The following CELF2 variants were observed in gnomAD, a reference collection of about 807,000 sequenced individuals.
The protein encoded by CELF2 is CUG triplet repeat RNA-binding protein 2.
In CELF2, 8 loss-of-function variants were observed where a neutral mutation model predicts 62.6. That is an observed-to-expected ratio of 0.13 (90% CI 0.07 to 0.23). The LOEUF is 0.23. CELF2 is among the 10% of genes least tolerant of loss of function. CELF2 has a pLI of 1.00. For synonymous variants in CELF2, 258 were observed against 250.0 expected, an observed-to-expected ratio of 1.03 and a Z score of -0.30; for missense variants, 333 against 671.0, an observed-to-expected ratio of 0.50 and a Z score of 5.56.
rs549163637 is a variant in CELF2, at chr10:11,145,417, G to A, written c.75-20069G>A. On this transcript the variant is annotated intron_variant, in intron 1 of 12. Transcript: ENST00000633077. The surrounding 1 kb of genome is among the most constrained non-coding windows in gnomAD (Gnocchi z 4.3). ...AGCAAATAATAGCAGGTTGTATGCA[G>A]GACTCCCACGTTTGAAAACATGACT... 1.3e-5 allele frequency among the ~76,000 whole-genome samples: 2 copies of A among 152,326 alleles called. No individual in the cohort carries two copies. Among genetic ancestry groups the A allele is most frequent in the South Asian group, 2.1e-4 (1 of 4,828 alleles).
chr10:10,834,201 A>G (rs2058092645), intron 1 of CELF2, among the ~76,000 whole-genome samples: 2 of 152,208 alleles, frequency 1.3e-5, no homozygotes, highest in South Asian at 4.1e-4. Context: ...TAGCGAAGTA[A>G]CTCAGGAACA....
At chr10:10,805,671 G>C (rs2055148649) in intron 1 of CELF2, among the ~76,000 whole-genome samples, 1 of 152,148 alleles carries the variant, frequency 6.6e-6, no homozygotes, top group South Asian at 2.1e-4. Flanking sequence ...TTTTTGTTGA[G>C]TTTGTAAGTT....
chr10:11,138,900 G>A (rs757874499), intron 1 of CELF2, among the ~76,000 whole-genome samples: 8 of 152,200 alleles, frequency 5.3e-5, no homozygotes, highest in Non-Finnish European at 1.0e-4. Context: ...ACTTGAGCCT[G>A]GAACATACTG....
chr10:11,305,515 C>G lies in CELF2; in HGVS notation c.977-8624C>G, dbSNP rs184223154. On this transcript the variant is annotated intron_variant, in intron 9 of 12. Transcript: ENST00000633077. The surrounding 1 kb of genome is among the most constrained non-coding windows in gnomAD (Gnocchi z 4.8). ...ATCCCACCTGCAGTAAAATATCCGT[C>G]TGAAAGATGTCCTATTACCTGTTAT... 3.4e-3 allele frequency among the ~76,000 whole-genome samples: 523 copies of G among 152,364 alleles called. 6 individuals carry two copies. The highest frequency in any genetic ancestry group is 0.011 in the African/African-American group (476 of 41,580).
chr10:10,597,571 C>A, the CELF2 span, among the ~76,000 whole-genome samples: 1 of 152,042 alleles, frequency 6.6e-6, no homozygotes, highest in Non-Finnish European at 1.5e-5. Flanking sequence ...GAATAAATGA[C>A]CTTTTGATAT....
chr10:10,546,768 T>C, the CELF2 span, among the ~76,000 whole-genome samples: 1 of 152,088 alleles, frequency 6.6e-6, no homozygotes, highest in African/African-American at 2.4e-5. Flanking sequence ...GACAAGTACC[T>C]GATAGACCTT....
intron 1 of CELF2, among the ~76,000 whole-genome samples, chr10:11,079,644 C>T (rs990733057): frequency 6.6e-6 from 1 of 152,124 alleles, no homozygotes; most frequent in Non-Finnish European, 1.5e-5. Flanking sequence ...TTCCTGAGGC[C>T]TCTGCAGTCA....
chr10:10,877,296 C>G (rs998745552), intron 1 of CELF2, among the ~76,000 whole-genome samples: 1 of 152,198 alleles, frequency 6.6e-6, no homozygotes, highest in Non-Finnish European at 1.5e-5. Flanking sequence ...CTCAGGAGAT[C>G]CTGATGACAT....
At chr10:10,672,850 A>G in the CELF2 span, among the ~76,000 whole-genome samples, 6,247 of 152,212 alleles carry the variant, frequency 0.041, 251 homozygotes, top group Admixed American at 0.091. Context: ...TGAGATTTTC[A>G]TTGTGTTTGC....
chr10:10,858,295 A>G (rs1358243165), intron 1 of CELF2, among the ~76,000 whole-genome samples: 1 of 152,162 alleles, frequency 6.6e-6, no homozygotes, highest in Non-Finnish European at 1.5e-5. Context: ...CCAATGGACT[A>G]GTCCTGCTTT....
rs2065195335 is a variant in CELF2 at position 11,159,381 on chromosome 10, G to A, written c.75-6105G>A. 6.6e-6 allele frequency among the ~76,000 whole-genome samples: 1 copy of A among 152,238 alleles called. No homozygotes were observed. Among genetic ancestry groups the A allele is most frequent in the Admixed American group, 6.5e-5 (1 of 15,288 alleles). ...TGCCGAAAGGCAGTCATGGAAGACA[G>A]ACGCGTTTTTCATGATGACTGTGAA... On this transcript the variant is annotated intron_variant, in intron 1 of 12. Transcript: ENST00000633077. The surrounding 1 kb of genome is among the most constrained non-coding windows in gnomAD (Gnocchi z 5.0).
the CELF2 span, among the ~76,000 whole-genome samples, chr10:10,733,474 C>A: frequency 6.6e-6 from 1 of 151,826 alleles, no homozygotes; most frequent in African/African-American, 2.4e-5. Context: ...TCAGCTGAGA[C>A]CTTAGGGCCA....
intron 1 of CELF2, among the ~76,000 whole-genome samples, chr10:11,080,382 G>A (rs1161256896): frequency 6.6e-6 from 1 of 152,150 alleles, no homozygotes; most frequent in African/African-American, 2.4e-5. Flanking sequence ...AACATTCATG[G>A]AATGAGCAAG....
intron 1 of CELF2, among the ~76,000 whole-genome samples, chr10:11,125,359 G>A (rs2058498121): frequency 6.6e-6 from 1 of 151,626 alleles, no homozygotes; most frequent in Non-Finnish European, 1.5e-5. Flanking sequence ...AGTGTCCTTT[G>A]TTATTTGTAA....
the CELF2 span, among the ~76,000 whole-genome samples, chr10:10,513,298 C>T: frequency 1.3e-5 from 2 of 152,066 alleles, no homozygotes; most frequent in African/African-American, 4.8e-5. Flanking sequence ...CTGTCACAAC[C>T]ACATCATCTT....
intron 3 of CELF2, among the ~76,000 whole-genome samples, chr10:11,234,193 C>A (rs1263920723): frequency 6.6e-6 from 1 of 152,212 alleles, no homozygotes; most frequent in Non-Finnish European, 1.5e-5. Context: ...TTTATCCTGT[C>A]ACCTGCTGTT....
chr10:10,903,938 G>T (rs1473802933), intron 1 of CELF2, among the ~76,000 whole-genome samples: 1 of 152,186 alleles, frequency 6.6e-6, no homozygotes, highest in Non-Finnish European at 1.5e-5. Flanking sequence ...GACCTGGCCA[G>T]GCTGTGGGTG....
chr10:11,051,028 A>G (rs1168828528), intron 1 of CELF2, among the ~76,000 whole-genome samples: 1 of 152,206 alleles, frequency 6.6e-6, no homozygotes. Flanking sequence ...GACCAGTTCT[A>G]TTTTTAGCAG....
chr10:11,188,426 A>C (rs77458533), intron 2 of CELF2, among the ~76,000 whole-genome samples: 5,693 of 152,234 alleles, frequency 0.037, 350 homozygotes, highest in African/African-American at 0.13. Flanking sequence ...TTTACTGGCT[A>C]TAGATTTCTA....
Sources: allele counts gnomAD v4.1 joint callset (sites outside exome capture counted in the v4.1 genomes callset), GRCh38; gene constraint gnomAD v4.1.1; non-coding constraint Gnocchi (gnomAD v3.1); transcripts MANE v1.5; gene names NCBI Gene and HGNC (gene_info 2026-07-23, HGNC 2026-07-21).